Variants in SPMIP2 observed in about 807,000 individuals in gnomAD.
The protein encoded by SPMIP2 is sperm microtubule inner protein 2, also known as protein SPMIP2.
the SPMIP2 span, among the ~76,000 whole-genome samples, chr4:158,941,957 C>T: frequency 6.6e-6 from 1 of 151,958 alleles, no homozygotes; most frequent in Non-Finnish European, 1.5e-5. Flanking sequence ...CATGTCTTAC[C>T]GAACAGCTGC....
At chr4:158,927,469 T>C in the SPMIP2 span, among the ~76,000 whole-genome samples, 1 of 152,256 alleles carries the variant, frequency 6.6e-6, no homozygotes, top group African/African-American at 2.4e-5. Context: ...TACTTATTTA[T>C]TTTTAGAAAC....
At chr4:158,943,832 C>A in the SPMIP2 span, among the ~76,000 whole-genome samples, 1 of 146,360 alleles carries the variant, frequency 6.8e-6, no homozygotes, top group Non-Finnish European at 1.5e-5. Context: ...GGCCCTTCAT[C>A]TGCCTCTAGT....
At chr4:158,950,980 G>A in the SPMIP2 span, among the ~76,000 whole-genome samples, 1 of 152,308 alleles carries the variant, frequency 6.6e-6, no homozygotes, top group Admixed American at 6.5e-5. Context: ...TCAAGCTTAT[G>A]TTTTGGGGGC....
the SPMIP2 span, among the ~76,000 whole-genome samples, chr4:158,898,949 T>C: frequency 2.0e-5 from 3 of 152,256 alleles, no homozygotes; most frequent in African/African-American, 7.2e-5. Flanking sequence ...TTCCAGTTTT[T>C]GCCCATTCAG....
the SPMIP2 span, among the ~76,000 whole-genome samples, chr4:158,988,468 A>AC: frequency 2.0e-5 from 3 of 152,320 alleles, no homozygotes; most frequent in East Asian, 5.8e-4. Context: ...TCCCTGATGA[A>AC]CATCAGCACA....
chr4:158,979,391 C>T, the SPMIP2 span, among the ~76,000 whole-genome samples: 1 of 152,136 alleles, frequency 6.6e-6, no homozygotes, highest in Non-Finnish European at 1.5e-5. Flanking sequence ...CCAGGCACCA[C>T]TGGGGTACGA....
chr4:159,012,137 G>A, the SPMIP2 span, among the ~76,000 whole-genome samples: 598 of 151,916 alleles, frequency 3.9e-3, 2 homozygotes, highest in African/African-American at 0.014. Context: ...AAAATTTAAA[G>A]CCAAGAACAG....
chr4:158,998,833 T>C, the SPMIP2 span, among the ~76,000 whole-genome samples: 1 of 152,234 alleles, frequency 6.6e-6, no homozygotes, highest in Middle Eastern at 3.4e-3. Context: ...GTGGAAATAG[T>C]GCTCTCAATC....
the SPMIP2 span, among the ~76,000 whole-genome samples, chr4:158,927,348 C>G: frequency 6.6e-6 from 1 of 152,172 alleles, no homozygotes; most frequent in South Asian, 2.1e-4. Context: ...TTTTTACTTT[C>G]ACTTTATGTG....
At chr4:158,938,655 G>C in the SPMIP2 span, among the ~76,000 whole-genome samples, 1 of 152,188 alleles carries the variant, frequency 6.6e-6, no homozygotes, top group Non-Finnish European at 1.5e-5. Context: ...GCCCTTATGG[G>C]CTCCAGCTGG....
At chr4:158,951,969 T>C in the SPMIP2 span, among the ~76,000 whole-genome samples, 2 of 152,216 alleles carry the variant, frequency 1.3e-5, no homozygotes, top group African/African-American at 4.8e-5. Context: ...TTCTGGCTTG[T>C]AAAATGACAG....
chr4:158,934,403 A>G, the SPMIP2 span, among the ~76,000 whole-genome samples: 1 of 152,172 alleles, frequency 6.6e-6, no homozygotes, highest in South Asian at 2.1e-4. Flanking sequence ...TGGAGGTTGC[A>G]GTGAGCCAAG....
the SPMIP2 span, among the ~76,000 whole-genome samples, chr4:158,997,876 C>G: frequency 1.4e-4 from 22 of 152,274 alleles, no homozygotes; most frequent in African/African-American, 5.3e-4. Context: ...AGGCTGGTGT[C>G]AAACCCCTGG....
the SPMIP2 span, among the ~76,000 whole-genome samples, chr4:159,074,034 G>C: frequency 3.3e-5 from 5 of 152,012 alleles, no homozygotes; most frequent in Non-Finnish European, 7.4e-5. Context: ...CTTAATTCCA[G>C]TGGAGGCTTT....
the SPMIP2 span, among the ~76,000 whole-genome samples, chr4:158,918,555 A>G: frequency 6.6e-6 from 1 of 152,232 alleles, no homozygotes; most frequent in Non-Finnish European, 1.5e-5. Flanking sequence ...AGTTTAGAAA[A>G]GAAAAATCCT....
chr4:159,076,224 G>T, the SPMIP2 span, among the ~76,000 whole-genome samples: 1 of 152,144 alleles, frequency 6.6e-6, no homozygotes, highest in Non-Finnish European at 1.5e-5. Flanking sequence ...ACCTTGGTCT[G>T]TGTCATTCTA....
chr4:158,984,277 C>A, the SPMIP2 span, among the ~76,000 whole-genome samples: 2 of 99,096 alleles, frequency 2.0e-5, no homozygotes, highest in Admixed American at 1.2e-4. Flanking sequence ...CTGCACCAAG[C>A]GGACCTAATA....
the SPMIP2 span, among the ~76,000 whole-genome samples, chr4:159,024,900 G>A: frequency 1.3e-5 from 2 of 152,220 alleles, no homozygotes; most frequent in East Asian, 3.9e-4. Flanking sequence ...CTCAGGTGAC[G>A]ATATGCATAT....
chr4:158,971,768 CA>C, the SPMIP2 span, among the ~76,000 whole-genome samples: 1 of 152,144 alleles, frequency 6.6e-6, no homozygotes. Context: ...AAAGACAATG[CA>C]AAGGCCTGCC....
Sources: gnomAD v4.1 joint callset for allele counts (sites outside exome capture counted in the v4.1 genomes callset) on GRCh38, gnomAD v4.1.1 for gene constraint, MANE v1.5 for transcripts, NCBI Gene and HGNC (gene_info 2026-07-23, HGNC 2026-07-21) for gene names.